COMMD1: variants seen among roughly 807,000 people sequenced by gnomAD.
COMMD1 encodes the protein COMM domain-containing protein 1.
A neutral mutation model predicts 17.2 loss-of-function variants in COMMD1; 10 were observed. The observed-to-expected ratio is 0.58, with a 90% CI of 0.36 to 0.99. COMMD1 has a LOEUF of 0.99. Among genes scored for constraint, COMMD1 ranks in the 50% least tolerant of loss-of-function variants. The pLI, the probability that COMMD1 is intolerant of heterozygous loss-of-function variation, is 0.01. For synonymous variants in COMMD1, 97 were observed against 91.6 expected (o/e 1.06, Z -0.34); for missense variants, 270 against 231.8 (o/e 1.17, Z -1.07).
chr2:62,079,997 A>G (rs891022911), intron 2 of COMMD1, among the ~76,000 whole-genome samples: 36 of 152,250 alleles, frequency 2.4e-4, no homozygotes, highest in African/African-American at 8.2e-4. Context: ...GTTAGCACCC[A>G]AAGAATTATA....
chr2:62,015,219 C>CT (rs1189343076), intron 2 of COMMD1, among the ~76,000 whole-genome samples: 1 of 152,180 alleles, frequency 6.6e-6, no homozygotes, highest in Non-Finnish European at 1.5e-5. Flanking sequence ...CTCTTTTCTA[C>CT]TTTTTTCTCT....
chr2:61,977,073 C>T (rs1026569899), intron 1 of COMMD1, among the ~76,000 whole-genome samples: 2 of 151,808 alleles, frequency 1.3e-5, no homozygotes, highest in Non-Finnish European at 2.9e-5. Context: ...CTGCCCACCT[C>T]GGCCTCCCAA....
chr2:62,099,476 C>T (rs559987362), intron 2 of COMMD1, among the ~76,000 whole-genome samples: 1 of 152,216 alleles, frequency 6.6e-6, no homozygotes, highest in African/African-American at 2.4e-5. Flanking sequence ...CAAGTCAAGG[C>T]ACCATAATTA....
intron 2 of COMMD1, among the ~76,000 whole-genome samples, chr2:62,107,942 A>AT (rs1467118386): frequency 2.0e-5 from 3 of 152,108 alleles, no homozygotes; most frequent in Non-Finnish European, 4.4e-5. Flanking sequence ...TGTCTTTCAC[A>AT]TTTTTTCCCA....
chr2:61,984,761 T>A (rs1326255586), intron 1 of COMMD1, among the ~76,000 whole-genome samples: 1 of 152,236 alleles, frequency 6.6e-6, no homozygotes, highest in African/African-American at 2.4e-5. Flanking sequence ...GATGTTGAAG[T>A]CTCCAGCTAT....
chr2:62,123,704 T>A (rs1672815074), intron 2 of COMMD1, among the ~76,000 whole-genome samples: 1 of 151,888 alleles, frequency 6.6e-6, no homozygotes, highest in Admixed American at 6.6e-5. Context: ...ACTTTTCTGA[T>A]TCTTTTATAT....
chr2:62,010,258 A>G (rs1669241531), intron 2 of COMMD1, among the ~76,000 whole-genome samples: 2 of 152,064 alleles, frequency 1.3e-5, no homozygotes, highest in Admixed American at 6.5e-5. Context: ...GTCTTCCAGA[A>G]TACCGCATTT....
intron 1 of COMMD1, among the ~76,000 whole-genome samples, chr2:61,939,833 G>A (rs1670696788): frequency 6.6e-6 from 1 of 152,156 alleles, no homozygotes; most frequent in South Asian, 2.1e-4. Flanking sequence ...AAGCCAAACA[G>A]GTCATGAGAG....
intron 2 of COMMD1, among the ~76,000 whole-genome samples, chr2:62,044,919 A>T (rs1172515998): frequency 1.3e-5 from 2 of 151,894 alleles, no homozygotes; most frequent in African/African-American, 2.4e-5. Context: ...TATTAATTTG[A>T]TCTGTGTTAC....
At chr2:62,063,860 C>G (rs1284707502) in intron 2 of COMMD1, among the ~76,000 whole-genome samples, 1 of 58,952 alleles carries the variant, frequency 1.7e-5, no homozygotes, top group Non-Finnish European at 3.4e-5. Flanking sequence ...GTGACACTGT[C>G]TCTACAAAAT....
At chr2:61,964,678 C>T (rs1012468135) in intron 1 of COMMD1, among the ~76,000 whole-genome samples, 7 of 152,122 alleles carry the variant, frequency 4.6e-5, no homozygotes, top group African/African-American at 1.7e-4. Context: ...ACTAAAAATA[C>T]ACCCCGGTCT....
At chr2:62,131,414 G>A (rs1212432881) in intron 2 of COMMD1, among the ~76,000 whole-genome samples, 1 of 152,204 alleles carries the variant, frequency 6.6e-6, no homozygotes, top group African/African-American at 2.4e-5. Flanking sequence ...TTAAGCCCAA[G>A]ATGACCATGA....
At chr2:61,918,956 A>G (rs1670115642) in intron 1 of COMMD1, among the ~76,000 whole-genome samples, 1 of 152,234 alleles carries the variant, frequency 6.6e-6, no homozygotes, top group African/African-American at 2.4e-5. Flanking sequence ...GTTTAAAACA[A>G]TAATTTTAGA....
chr2:61,943,663 C>T (rs531274889), intron 1 of COMMD1, among the ~76,000 whole-genome samples: 31 of 152,004 alleles, frequency 2.0e-4, no homozygotes, highest in African/African-American at 7.2e-4. Context: ...GGTGAAAACC[C>T]GTCTCTACTA....
At chr2:62,110,254 A>G (rs1672421900) in intron 2 of COMMD1, among the ~76,000 whole-genome samples, 1 of 151,870 alleles carries the variant, frequency 6.6e-6, no homozygotes, top group African/African-American at 2.4e-5. Flanking sequence ...TTTTTTTTAT[A>G]GGAATGGTGT....
intron 2 of COMMD1, among the ~76,000 whole-genome samples, chr2:62,114,548 CT>C (rs1386648875): frequency 6.6e-6 from 1 of 152,136 alleles, no homozygotes; most frequent in Non-Finnish European, 1.5e-5. Flanking sequence ...CCTCTTCTTT[CT>C]TAGGATTGCC....
In COMMD1 at chr2:61,914,927, T is replaced by G. The variant is rs772722031; in HGVS notation, c.180+9069T>G. On this transcript the variant is annotated intron_variant, in intron 1 of 2. Transcript: ENST00000311832. ...CTGGTCTCAAATTCCTGGCCTCAAG[T>G]GATCCACCCACCTGGGCCTCATGTT... is the stretch of plus-strand genomic sequence containing the variant. 1.5e-4 allele frequency among the ~76,000 whole-genome samples: 23 copies of G among 151,918 alleles called. 1 individual carries two copies. Among genetic ancestry groups the G allele is most frequent in the Non-Finnish European group, 3.1e-4 (21 of 67,978 alleles).
At chr2:62,036,125 G>A (rs1432841367) in intron 2 of COMMD1, among the ~76,000 whole-genome samples, 2 of 151,942 alleles carry the variant, frequency 1.3e-5, no homozygotes, top group African/African-American at 4.8e-5. Flanking sequence ...AAGGTGTAGG[G>A]ATTTTTTTCT....
At chr2:61,921,064 A>G (rs1002209277) in intron 1 of COMMD1, among the ~76,000 whole-genome samples, 11 of 143,254 alleles carry the variant, frequency 7.7e-5, no homozygotes, top group Admixed American at 6.4e-4. Context: ...TGCAACCTTC[A>G]CCTCCCGGGT....
Sources: gnomAD v4.1 joint callset for allele counts (sites outside exome capture counted in the v4.1 genomes callset) on GRCh38, gnomAD v4.1.1 for gene constraint, MANE v1.5 for transcripts, NCBI Gene and HGNC (gene_info 2026-07-23, HGNC 2026-07-21) for gene names.